CFAP263: variants seen among roughly 807,000 people sequenced by gnomAD.
CFAP263 encodes the protein cilia and flagella associated protein 263, also known as cilia- and flagella-associated protein 263.
At chr16:58,258,355 C>T in the CFAP263 span, 1 of 1,612,486 alleles carries the variant, frequency 6.2e-7, no homozygotes, top group Non-Finnish European at 8.5e-7. Context: ...TCTCTTTGTG[C>T]TGACTCCCCC....
the CFAP263 span, chr16:58,279,612 ACAAT>A: frequency 8.3e-7 from 1 of 1,201,846 alleles, no homozygotes; most frequent in Admixed American, 2.4e-5. Context: ...CTCAGTAGCC[ACAAT>A]CAGTTTTCCC....
the CFAP263 span, chr16:58,281,895 T>C: frequency 6.6e-6 from 1 of 152,452 alleles, no homozygotes; most frequent in Non-Finnish European, 1.5e-5. Flanking sequence ...AAGGCTGGAG[T>C]GCAGTGGTGC....
chr16:58,270,260 T>C, the CFAP263 span, among the ~76,000 whole-genome samples: 1 of 152,188 alleles, frequency 6.6e-6, no homozygotes, highest in Non-Finnish European at 1.5e-5. Flanking sequence ...CTCAACATTA[T>C]AGCTTAGCCT....
the CFAP263 span, chr16:58,279,579 C>T: frequency 1.6e-5 from 14 of 852,588 alleles, no homozygotes; most frequent in South Asian, 9.0e-5. Flanking sequence ...TGCACCATCA[C>T]GGGGCTGGAT....
chr16:58,256,947 G>T, the CFAP263 span, among the ~76,000 whole-genome samples: 1 of 150,904 alleles, frequency 6.6e-6, no homozygotes, highest in East Asian at 1.9e-4. Context: ...ACCACTCAGA[G>T]GTAATTTCTG....
the CFAP263 span, chr16:58,260,044 CTG>C: frequency 1.5e-6 from 1 of 647,120 alleles, no homozygotes; most frequent in Non-Finnish European, 2.7e-6. Flanking sequence ...ACCCTGGAAT[CTG>C]TGAATACATT....
At chr16:58,260,190 G>A in the CFAP263 span, among the ~76,000 whole-genome samples, 2 of 152,160 alleles carry the variant, frequency 1.3e-5, no homozygotes, top group Non-Finnish European at 2.9e-5. Context: ...GGTGGGAGAA[G>A]CTATGATAAC....
chr16:58,275,023 C>T, the CFAP263 span, among the ~76,000 whole-genome samples: 16 of 152,240 alleles, frequency 1.1e-4, no homozygotes, highest in Admixed American at 5.9e-4. Context: ...ACCATCTGGA[C>T]GGGAGTATGC....
At chr16:58,265,618 C>T in the CFAP263 span, among the ~76,000 whole-genome samples, 1 of 152,208 alleles carries the variant, frequency 6.6e-6, no homozygotes, top group East Asian at 1.9e-4. Context: ...TTGATTTCAG[C>T]CAGATGTGAC....
the CFAP263 span, among the ~76,000 whole-genome samples, chr16:58,269,340 C>T: frequency 9.4e-6 from 1 of 106,660 alleles, no homozygotes; most frequent in African/African-American, 3.8e-5. Context: ...CAAAACAAAA[C>T]AAAACAAAAA....
the CFAP263 span, among the ~76,000 whole-genome samples, chr16:58,254,809 G>A: frequency 9.9e-5 from 15 of 151,888 alleles, no homozygotes; most frequent in Non-Finnish European, 1.3e-4. Flanking sequence ...GGTTTTCACC[G>A]TATTAGCCAA....
the CFAP263 span, chr16:58,279,725 G>A: frequency 1.7e-4 from 266 of 1,611,138 alleles, no homozygotes; most frequent in African/African-American, 1.7e-4. Context: ...GCTTGGAATC[G>A]AATGAAAATA....
the CFAP263 span, chr16:58,258,375 T>C: frequency 9.3e-6 from 15 of 1,613,862 alleles, no homozygotes; most frequent in Admixed American, 1.5e-4. Flanking sequence ...CAGGCGATCA[T>C]TGAGGAGGCT....
At chr16:58,267,741 A>G in the CFAP263 span, among the ~76,000 whole-genome samples, 1 of 152,050 alleles carries the variant, frequency 6.6e-6, no homozygotes, top group Non-Finnish European at 1.5e-5. Flanking sequence ...TCAAAGCACA[A>G]AGTGGCACCT....
the CFAP263 span, among the ~76,000 whole-genome samples, chr16:58,265,270 T>C: frequency 6.6e-6 from 1 of 152,238 alleles, no homozygotes; most frequent in Non-Finnish European, 1.5e-5. Context: ...TATGGCACAG[T>C]TGATCTAAAG....
the CFAP263 span, among the ~76,000 whole-genome samples, chr16:58,263,546 G>A: frequency 1.2e-4 from 18 of 152,194 alleles, no homozygotes; most frequent in Non-Finnish European, 1.9e-4. Context: ...AGGTGGCAAT[G>A]GTGGCTGTGG....
chr16:58,277,549 G>A, the CFAP263 span, among the ~76,000 whole-genome samples: 3 of 152,166 alleles, frequency 2.0e-5, no homozygotes, highest in African/African-American at 7.2e-5. Context: ...ATAGCTTCTA[G>A]GCATTCTGCG....
the CFAP263 span, chr16:58,278,508 T>TA: frequency 3.7e-6 from 6 of 1,614,090 alleles, no homozygotes; most frequent in Non-Finnish European, 5.1e-6. Context: ...AGGCAGTGAA[T>TA]AAGAGGCTCC....
At chr16:58,270,879 T>C in the CFAP263 span, among the ~76,000 whole-genome samples, 2 of 152,334 alleles carry the variant, frequency 1.3e-5, no homozygotes, top group South Asian at 4.1e-4. Flanking sequence ...TTATTTACAT[T>C]TCTTCCTGTG....
Sources: gnomAD v4.1 joint callset for allele counts (sites outside exome capture counted in the v4.1 genomes callset) on GRCh38, gnomAD v4.1.1 for gene constraint, MANE v1.5 for transcripts, NCBI Gene and HGNC (gene_info 2026-07-23, HGNC 2026-07-21) for gene names.